MALL: variants seen among roughly 807,000 people sequenced by gnomAD.
MALL encodes MAL-like protein.
In MALL, 2 loss-of-function variants were observed where a neutral mutation model predicts 10.3. That is an observed-to-expected ratio of 0.19 (90% CI 0.08 to 0.61). The LOEUF (loss-of-function observed/expected upper bound fraction) is 0.61. Among genes scored for constraint, MALL ranks in the 20% least tolerant of loss-of-function variants. The probability of loss-of-function intolerance (pLI) is 0.88; values close to 1 mark genes in which losing one functional copy is unlikely to be tolerated. For synonymous variants in MALL, 27 were observed against 51.8 expected, an observed-to-expected ratio of 0.52 and a Z score of 2.05; for missense variants, 39 against 115.2, an observed-to-expected ratio of 0.34 and a Z score of 3.03.
chr2:110,095,597 AT>A (rs565897204), intron 1 of MALL, among the ~76,000 whole-genome samples: 59 of 152,294 alleles, frequency 3.9e-4, no homozygotes, highest in African/African-American at 1.2e-3. Context: ...CTAAAAAAAA[AT>A]ATTGTCAAAT....
chr2:110,098,044 G>A (rs776606725), intron 1 of MALL, among the ~76,000 whole-genome samples: 2 of 151,918 alleles, frequency 1.3e-5, no homozygotes, highest in Non-Finnish European at 2.9e-5. Context: ...AAGGACACAT[G>A]CGGGCGTTGC....
At chr2:110,115,189 C>T (rs549029550) in intron 1 of MALL, among the ~76,000 whole-genome samples, 2 of 152,220 alleles carry the variant, frequency 1.3e-5, no homozygotes, top group Non-Finnish European at 1.5e-5. Flanking sequence ...AAGACCTACT[C>T]TCAGAGGGAA....
intron 1 of MALL, among the ~76,000 whole-genome samples, chr2:110,115,466 G>A (rs1362073844): frequency 6.6e-6 from 1 of 151,408 alleles, no homozygotes; most frequent in African/African-American, 2.4e-5. Flanking sequence ...CAGCCCCTGT[G>A]CTCGCTCCCC....
At chr2:110,114,207 T>G (rs1678862536) in intron 1 of MALL, among the ~76,000 whole-genome samples, 1 of 152,026 alleles carries the variant, frequency 6.6e-6, no homozygotes, top group Non-Finnish European at 1.5e-5. Context: ...AAATGCCTGT[T>G]CTTTGAGGTC....
chr2:110,099,677 G>T (rs1678520459), intron 1 of MALL, among the ~76,000 whole-genome samples: 2 of 152,142 alleles, frequency 1.3e-5, no homozygotes, highest in African/African-American at 4.8e-5. Context: ...TTCCCTACTA[G>T]GGATACATAC....
intron 1 of MALL, among the ~76,000 whole-genome samples, chr2:110,106,299 T>C (rs1226004704): frequency 6.6e-6 from 1 of 152,126 alleles, no homozygotes; most frequent in African/African-American, 2.4e-5. Context: ...AAAAAGCTGA[T>C]GAGTCACCTC....
At chr2:110,113,837 G>T (rs1190896634) in intron 1 of MALL, among the ~76,000 whole-genome samples, 1 of 152,150 alleles carries the variant, frequency 6.6e-6, no homozygotes, top group South Asian at 2.1e-4. Flanking sequence ...GAAGATGCAG[G>T]CATTACCAGC....
At chr2:110,103,026 A>T (rs1328311567) in intron 1 of MALL, among the ~76,000 whole-genome samples, 2 of 152,188 alleles carry the variant, frequency 1.3e-5, no homozygotes, top group East Asian at 3.8e-4. Flanking sequence ...GCTGAAGTAG[A>T]AAAGCAAAGC....
intron 1 of MALL, among the ~76,000 whole-genome samples, chr2:110,114,961 C>T (rs1678876739): frequency 6.6e-6 from 1 of 152,108 alleles, no homozygotes; most frequent in South Asian, 2.1e-4. Context: ...TGCATACGCA[C>T]AGCTCTGCAG....
chr2:110,092,809 T>G (rs1254918403), intron 1 of MALL, among the ~76,000 whole-genome samples: 2 of 108,972 alleles, frequency 1.8e-5, no homozygotes, highest in African/African-American at 5.5e-5. Context: ...ATAATTTTCC[T>G]TCTTCCTGGA....
chr2:110,095,753 C>T (rs997709378), intron 1 of MALL, among the ~76,000 whole-genome samples: 1 of 151,418 alleles, frequency 6.6e-6, no homozygotes. Context: ...AGATTGGTGT[C>T]CAGGAAGAAA....
At chr2:110,114,292 T>C (rs892789680) in intron 1 of MALL, among the ~76,000 whole-genome samples, 1 of 151,998 alleles carries the variant, frequency 6.6e-6, no homozygotes, top group Non-Finnish European at 1.5e-5. Flanking sequence ...GAGGCCACCA[T>C]CCACTTGTTG....
At position 110,097,227 on chromosome 2, in the gene MALL, G is replaced by A. The variant is rs549781895; in HGVS notation, c.106-5457C>T. ...AAAATAAGAAAATGCATGTGCGAGT[G>A]TCTGTGTATATGTGCATTTGTTGTG... On this transcript the variant is annotated intron_variant, in intron 1 of 3. Transcript: ENST00000272462. 6.5e-4 allele frequency among the ~76,000 whole-genome samples: 99 copies of A among 152,170 alleles called. 1 individual carries two copies. Among genetic ancestry groups the A allele is most frequent in the African/African-American group, 2.3e-3 (95 of 41,504 alleles).
At chr2:110,118,123 G>T (rs1304240660), upstream of MALL, among the ~76,000 whole-genome samples, 1 of 151,604 alleles carries the variant, frequency 6.6e-6, no homozygotes, top group East Asian at 1.9e-4. Flanking sequence ...TTCTGTCCAG[G>T]GCTGTTAATT....
intron 1 of MALL, 143 bp downstream of exon 1, chr2:110,115,543 CCT>C (rs1553478757): frequency 2.3e-6 from 1 of 432,800 alleles, no homozygotes; most frequent in Non-Finnish European, 3.9e-6. Flanking sequence ...TCTCCCCCCC[CCT>C]CTCTGCAGGT....
chr2:110,114,995 G>C (rs1302018898), intron 1 of MALL, among the ~76,000 whole-genome samples: 1 of 152,034 alleles, frequency 6.6e-6, no homozygotes, highest in Admixed American at 6.5e-5. Context: ...GGATCCCCAG[G>C]GATCAGGGCC....
At chr2:110,116,455 T>C (rs1678924618), upstream of MALL, 1 of 152,410 alleles carries the variant, frequency 6.6e-6, no homozygotes, top group Admixed American at 6.5e-5. Flanking sequence ...CTTTCCATGG[T>C]CCTCCACTCC....
rs2304639 is a variant in MALL at position 110,115,520 on chromosome 2, G to A, written c.105+168C>T. Among the ~76,000 whole-genome samples, 99 of 148,390 alleles carry A rather than the reference G, an allele frequency of 6.7e-4. 1 individual carries two copies. Among genetic ancestry groups the A allele is most frequent in the East Asian group, 3.0e-3 (15 of 4,940 alleles). ...GTCTCTCTCGGCGCGGTCCGGTCTG[G>A]GTCCGAGGCCGGTCTCCCCCCCCCT... On this transcript the variant is annotated intron_variant, in intron 1 of 3. Coordinates refer to ENST00000272462, the MANE Select transcript of MALL (RefSeq NM_005434.5).
chr2:110,113,610 A>G (rs1477544864), intron 1 of MALL, among the ~76,000 whole-genome samples: 1 of 152,066 alleles, frequency 6.6e-6, no homozygotes, highest in African/African-American at 2.4e-5. Context: ...AAAAAAAGAA[A>G]AAAACCTAAT....
Sources: allele counts gnomAD v4.1 joint callset (sites outside exome capture counted in the v4.1 genomes callset), GRCh38; gene constraint gnomAD v4.1.1; transcripts MANE v1.5; gene names NCBI Gene and HGNC (gene_info 2026-07-23, HGNC 2026-07-21).